Variants in ADAMTS20 observed in about 807,000 individuals in gnomAD.
ADAMTS20 encodes A disintegrin and metalloproteinase with thrombospondin motifs 20.
A neutral mutation model predicts 260.1 loss-of-function variants in ADAMTS20; 225 were observed. The observed-to-expected ratio is 0.87, with a 90% confidence interval of 0.78 to 0.97. The LOEUF is 0.97. Ranked by LOEUF, ADAMTS20 falls within the 50% of genes least tolerant of loss-of-function variation. ADAMTS20 has a pLI of 0.00. For missense variants in ADAMTS20, 2,400 were observed against 2,337.7 expected (o/e 1.03, Z -0.55); for synonymous variants, 802 against 769.5 (o/e 1.04, Z -0.70).
chr12:43,413,482 T>G (rs138229138), intron 28 of ADAMTS20, among the ~76,000 whole-genome samples: 45 of 152,278 alleles, frequency 3.0e-4, no homozygotes, highest in African/African-American at 9.1e-4. Context: ...AAAGTAGATC[T>G]TGCTTTGGTA....
Position 43,383,991 on chromosome 12 carries a change from C to T in ADAMTS20, c.4453-14G>A. On this transcript the variant is annotated splice_polypyrimidine_tract_variant and intron_variant, in intron 29 of 38. Transcript: ENST00000389420. ...GGTCACAGAGCACTACAAAGGAGTC[C>T]AGTTGATTTGAACAATTAGCTAATA... The T allele has an allele frequency of 6.3e-7, 1 of 1,586,262 alleles. No homozygotes were observed. The highest frequency in any genetic ancestry group is 1.3e-5 in the African/African-American group (1 of 74,296).
intron 2 of ADAMTS20, among the ~76,000 whole-genome samples, chr12:43,545,917 A>T (rs1472027974): frequency 2.0e-5 from 3 of 152,148 alleles, no homozygotes; most frequent in Non-Finnish European, 4.4e-5. Flanking sequence ...CTGGACTAAC[A>T]CACACTAGAA....
At chr12:43,451,617 G>A (rs1941865189) in intron 14 of ADAMTS20, among the ~76,000 whole-genome samples, 1 of 152,000 alleles carries the variant, frequency 6.6e-6, no homozygotes, top group Non-Finnish European at 1.5e-5. Context: ...TCCATAAAAG[G>A]TTCTCTGAAT....
chr12:43,369,206 A>G (rs573564496), intron 37 of ADAMTS20, 84 bp downstream of exon 37: 2 of 778,522 alleles, frequency 2.6e-6, no homozygotes, highest in East Asian at 6.8e-5. Context: ...TGTTTCTTGC[A>G]ATATTCTGGT....
intron 37 of ADAMTS20, among the ~76,000 whole-genome samples, chr12:43,359,122 CTCT>C (rs1202339143): frequency 1.1e-4 from 16 of 152,102 alleles, no homozygotes; most frequent in Admixed American, 3.3e-4. Context: ...TGAAACTTAC[CTCT>C]TCTTCTACTC....
intron 4 of ADAMTS20, among the ~76,000 whole-genome samples, chr12:43,500,526 T>A (rs2137443899): frequency 6.6e-6 from 1 of 152,332 alleles, no homozygotes; most frequent in African/African-American, 2.4e-5. Context: ...TATATGTAGG[T>A]AATTTTACTT....
chr12:43,369,423 A>G, intron 36 of ADAMTS20, 42 bp from the exon 37 acceptor site: 1 of 1,188,892 alleles, frequency 8.4e-7, no homozygotes, highest in Non-Finnish European at 1.1e-6. Flanking sequence ...GGAGACAATA[A>G]TGCAATCGTT....
chr12:43,505,677 A>G (rs953158192), intron 3 of ADAMTS20, among the ~76,000 whole-genome samples: 2 of 152,236 alleles, frequency 1.3e-5, no homozygotes, highest in Non-Finnish European at 2.9e-5. Context: ...GAGAAATTGG[A>G]AACCTTATGC....
rs745984074 is a variant in ADAMTS20, at chr12:43,432,734, T to G, written c.2798A>C (p.Lys933Thr). The G allele has an allele frequency of 6.2e-7, 1 of 1,613,996 alleles. No individual in the cohort carries two copies. Among genetic ancestry groups the G allele is most frequent in the East Asian group, 2.2e-5 (1 of 44,870 alleles). ...GYRTLDIHCM[K>T]YSIHEGQTVQ... ...AGTCTGTCCTTCATGAATGGAATAC[T>G]TCATGCAATGGATGTCCAAGGTTCT... Residue 933 changes from lysine (K) to threonine (T), a missense_variant, in exon 20 of 39, where the codon AAG becomes ACG. Physicochemically the swap from Lys to Thr is moderately conservative, Grantham distance 78. Transcript: ENST00000389420.
chr12:43,524,234 T>C (rs182897339), intron 3 of ADAMTS20, among the ~76,000 whole-genome samples: 1 of 26,286 alleles, frequency 3.8e-5, no homozygotes, highest in Admixed American at 4.8e-4. Context: ...GCTATCGCTC[T>C]CTATAATCAA....
At chr12:43,418,520 G>C (rs11612699) in intron 28 of ADAMTS20, among the ~76,000 whole-genome samples, 3,705 of 152,290 alleles carry the variant, frequency 0.024, 73 homozygotes, top group East Asian at 0.08. Flanking sequence ...ATGTTGGCCA[G>C]GATGGTCTCA....
At chr12:43,386,684 C>CTTTTCATTCT (rs1565675623) in intron 29 of ADAMTS20, among the ~76,000 whole-genome samples, 1 of 152,176 alleles carries the variant, frequency 6.6e-6, no homozygotes, top group Non-Finnish European at 1.5e-5. Context: ...TTGTTCACTC[C>CTTTTCATTCT]TTTTCATTCT....
At chr12:43,437,777 C>A (rs893398488) in intron 18 of ADAMTS20, among the ~76,000 whole-genome samples, 2 of 151,938 alleles carry the variant, frequency 1.3e-5, no homozygotes, top group Non-Finnish European at 1.5e-5. Flanking sequence ...GAATCTAACA[C>A]AGAATACTGA....
intron 36 of ADAMTS20, among the ~76,000 whole-genome samples, chr12:43,370,839 TCCTGTAGTGTCTA>T (rs1168289148): frequency 6.6e-6 from 1 of 152,208 alleles, no homozygotes; most frequent in Admixed American, 6.5e-5. Flanking sequence ...TATCAGAAAA[TCCTGTAGTGTCTA>T]CCTCTTTAAT....
chr12:43,459,833 A>T (rs1156769459), intron 11 of ADAMTS20, among the ~76,000 whole-genome samples: 1 of 152,348 alleles, frequency 6.6e-6, no homozygotes, highest in South Asian at 2.1e-4. Flanking sequence ...TTGCACAAAA[A>T]ATTTAAGTAA....
At position 43,438,258 on chromosome 12, in the gene ADAMTS20, T is replaced by C. The variant is rs148011653; in HGVS notation, c.2593+1364A>G. On this transcript the variant is annotated intron_variant, in intron 18 of 38. Transcript: ENST00000389420. The stretch of plus-strand genomic sequence containing the variant: ...TGTTCACTGCATTTTAAAATGTTCC[T>C]TCATTCTCCTGTTTCTGAAATTTCT... Among the ~76,000 whole-genome samples the C allele has an allele frequency of 1.6e-3, 250 of 152,274 alleles. 4 individuals are homozygous for C. The East Asian group carries it at 0.018, about 11-fold the overall frequency.
chr12:43,487,813 T>C (rs1392239035), intron 7 of ADAMTS20, among the ~76,000 whole-genome samples: 2 of 152,146 alleles, frequency 1.3e-5, no homozygotes, highest in African/African-American at 4.8e-5. Context: ...CACTGATTAA[T>C]ATTTATTATA....
rs1565591306 is a variant in ADAMTS20 at position 43,551,183 on chromosome 12, TG to T, written c.178del (p.His60ThrfsTer32). Reference sequence around the variant, plus strand: ...GGAGCTGCGTTTCTGCCGGCTGAAGTGGTGGCTCTGAGGGAACACTTCTCCA... The same window carrying T: ...GGAGCTGCGTTTCTGCCGGCTGAAGTGTGGCTCTGAGGGAACACTTCTCCA... ...EFGEVFPQSH[H>X]FSRQKRSSEA... On this transcript the variant is annotated frameshift_variant, in exon 2 of 39. Transcript: ENST00000389420. LOFTEE classifies it high-confidence loss of function. This position sits in a 1 kb window ranked among gnomAD's most constrained non-coding sequence, Gnocchi z 4.6. 1 of 1,613,818 alleles carries T rather than the reference TG, an allele frequency of 6.2e-7. No homozygotes were observed. The highest frequency in any genetic ancestry group is 2.2e-5 in the East Asian group (1 of 44,844).
At chr12:43,374,011 A>G (rs1940167498) in intron 36 of ADAMTS20, among the ~76,000 whole-genome samples, 1 of 152,086 alleles carries the variant, frequency 6.6e-6, no homozygotes, top group African/African-American at 2.4e-5. Context: ...ACCAAACAAG[A>G]ATAAAAAAAG....
Sources: allele counts gnomAD v4.1 joint callset (sites outside exome capture counted in the v4.1 genomes callset), GRCh38; gene constraint gnomAD v4.1.1; non-coding constraint Gnocchi (gnomAD v3.1); transcripts MANE v1.5; gene names NCBI Gene and HGNC (gene_info 2026-07-23, HGNC 2026-07-21).